ARID5B: variants seen among roughly 807,000 people sequenced by gnomAD.
ARID5B encodes AT-rich interactive domain-containing protein 5B.
ARID5B carries 13 observed loss-of-function variants against 97.2 expected under a neutral mutation model. The observed-to-expected ratio is 0.13, with a 90% CI of 0.09 to 0.21. ARID5B has a LOEUF of 0.21. ARID5B is among the 10% of genes least tolerant of loss of function. The probability of loss-of-function intolerance (pLI) is 1.00; values close to 1 mark genes in which losing one functional copy is unlikely to be tolerated. For missense variants in ARID5B, 1,210 were observed against 1,465.3 expected, an observed-to-expected ratio of 0.83 and a Z score of 2.84; for synonymous variants, 556 against 570.3, an observed-to-expected ratio of 0.97 and a Z score of 0.36.
intron 1 of ARID5B, 62 bp from the exon 2 acceptor site, chr10:61,902,097 G>A: frequency 2.5e-6 from 4 of 1,592,896 alleles, no homozygotes; most frequent in Non-Finnish European, 3.4e-6. Flanking sequence ...ATGTGTCTGG[G>A]AATAGATGTT....
intron 2 of ARID5B, among the ~76,000 whole-genome samples, chr10:61,919,888 G>A (rs1202585298): frequency 6.6e-6 from 1 of 151,958 alleles, no homozygotes; most frequent in Non-Finnish European, 1.5e-5. Context: ...CACATAAATG[G>A]TGGTGTCTAA....
At chr10:62,034,382 C>T (rs1839535105) in intron 4 of ARID5B, among the ~76,000 whole-genome samples, 3 of 152,212 alleles carry the variant, frequency 2.0e-5, no homozygotes, top group Admixed American at 6.5e-5. Context: ...ATAGCACTTG[C>T]CATCTCAGGC....
intron 8 of ARID5B, among the ~76,000 whole-genome samples, chr10:62,085,160 G>GAAT (rs1840264256): frequency 6.6e-6 from 1 of 152,274 alleles, no homozygotes; most frequent in South Asian, 2.1e-4. Context: ...TTAAAAAAGA[G>GAAT]AATAATAATA....
At chr10:62,010,783 C>T (rs1326347488) in intron 4 of ARID5B, among the ~76,000 whole-genome samples, 1 of 152,198 alleles carries the variant, frequency 6.6e-6, no homozygotes, top group African/African-American at 2.4e-5. Context: ...TAAGTCAGGA[C>T]AAATGGTAGC....
At chr10:61,901,751 C>A in intron 1 of ARID5B, 21 bp downstream of exon 1, 4 of 1,613,082 alleles carry the variant, frequency 2.5e-6, no homozygotes, top group Non-Finnish European at 3.4e-6. Context: ...CTCCTCCGCT[C>A]CTCCGATCCC....
chr10:61,951,287 A>G (rs1298601026), intron 3 of ARID5B, among the ~76,000 whole-genome samples: 1 of 152,212 alleles, frequency 6.6e-6, no homozygotes. Context: ...TGATGATTTC[A>G]GGCTTTTCCT....
intron 7 of ARID5B, 33 bp from the exon 8 acceptor site, chr10:62,069,667 G>T (rs1840036643): frequency 1.3e-6 from 2 of 1,573,384 alleles, no homozygotes; most frequent in Non-Finnish European, 1.7e-6. Context: ...CTCTTATGAT[G>T]TAAGATTGAA....
At chr10:61,931,626 C>A (rs1844211719) in intron 2 of ARID5B, among the ~76,000 whole-genome samples, 1 of 152,126 alleles carries the variant, frequency 6.6e-6, no homozygotes, top group Non-Finnish European at 1.5e-5. Flanking sequence ...GTTAAAAGAA[C>A]TCTCAAAACT....
chr10:62,042,755 CAA>C (rs374112928), intron 4 of ARID5B, among the ~76,000 whole-genome samples: 1 of 147,484 alleles, frequency 6.8e-6, no homozygotes, highest in Non-Finnish European at 1.5e-5. Context: ...ACTAAAAATA[CAA>C]AAAAAAAATT....
At chr10:61,904,282 G>A (rs966801098) in intron 2 of ARID5B, among the ~76,000 whole-genome samples, 1 of 151,946 alleles carries the variant, frequency 6.6e-6, no homozygotes, top group Non-Finnish European at 1.5e-5. Flanking sequence ...TTTTTGGGGG[G>A]CGGGGAATTG....
At chr10:62,077,362 T>A (rs1259947062) in intron 8 of ARID5B, among the ~76,000 whole-genome samples, 1 of 152,078 alleles carries the variant, frequency 6.6e-6, no homozygotes, top group South Asian at 2.1e-4. Flanking sequence ...ACAACAGCCT[T>A]TGAAAAAAAT....
At chr10:62,031,896 G>GCGA (rs765187320) in intron 4 of ARID5B, among the ~76,000 whole-genome samples, 6 of 152,188 alleles carry the variant, frequency 3.9e-5, no homozygotes, top group Non-Finnish European at 7.3e-5. Context: ...AAAAAATCAT[G>GCGA]CGAGCTAAAC....
intron 3 of ARID5B, among the ~76,000 whole-genome samples, chr10:61,974,734 TATC>T (rs1838676924): frequency 6.6e-6 from 1 of 152,222 alleles, no homozygotes; most frequent in African/African-American, 2.4e-5. Flanking sequence ...GATCTGTTCA[TATC>T]ATTAGTTCCC....
intron 4 of ARID5B, among the ~76,000 whole-genome samples, chr10:62,002,606 A>G (rs1839094317): frequency 6.6e-6 from 1 of 152,222 alleles, no homozygotes; most frequent in Non-Finnish European, 1.5e-5. Context: ...AAATTTCCAA[A>G]GAGCACCCTT....
intron 8 of ARID5B, 98 bp downstream of exon 8, chr10:62,069,895 G>T: frequency 8.1e-7 from 1 of 1,233,154 alleles, no homozygotes; most frequent in East Asian, 2.5e-5. Flanking sequence ...ATGACCTTTT[G>T]GGAAACTGAA....
intron 3 of ARID5B, among the ~76,000 whole-genome samples, chr10:61,984,067 C>T (rs1386882600): frequency 2.6e-5 from 4 of 152,192 alleles, no homozygotes; most frequent in Non-Finnish European, 5.9e-5. Flanking sequence ...CCAACCATAG[C>T]TTTTAAAATC....
At chr10:61,928,732 G>A (rs1279461029) in intron 2 of ARID5B, among the ~76,000 whole-genome samples, 1 of 152,078 alleles carries the variant, frequency 6.6e-6, no homozygotes, top group Non-Finnish European at 1.5e-5. Flanking sequence ...TCATTTCACC[G>A]CTGACCAGTG....
intron 8 of ARID5B, among the ~76,000 whole-genome samples, chr10:62,075,161 G>A (rs779589522): frequency 6.6e-6 from 1 of 152,210 alleles, no homozygotes; most frequent in Non-Finnish European, 1.5e-5. Flanking sequence ...TGTGAAACTG[G>A]CACGCACAGC....
intron 8 of ARID5B, among the ~76,000 whole-genome samples, chr10:62,079,994 A>G (rs900278615): frequency 5.3e-5 from 8 of 152,144 alleles, no homozygotes; most frequent in Non-Finnish European, 1.2e-4. Context: ...CCTCATTTTT[A>G]AAGTATGTAA....
Sources: allele counts gnomAD v4.1 joint callset (sites outside exome capture counted in the v4.1 genomes callset), GRCh38; gene constraint gnomAD v4.1.1; transcripts MANE v1.5; gene names NCBI Gene and HGNC (gene_info 2026-07-23, HGNC 2026-07-21).